Variants in OSBPL9 observed in about 807,000 individuals in gnomAD.
OSBPL9 encodes oxysterol binding protein like 9.
Under a neutral mutation model 106.6 loss-of-function variants are expected in OSBPL9, and 40 were observed. The ratio of observed to expected loss-of-function variants is 0.38; its 90% CI spans 0.29 to 0.49. The LOEUF (loss-of-function observed/expected upper bound fraction) is 0.49. Among genes scored for constraint, OSBPL9 ranks in the 20% least tolerant of loss-of-function variants. The pLI, the probability that OSBPL9 is intolerant of heterozygous loss-of-function variation, is 0.97. For synonymous variants in OSBPL9, 269 were observed against 295.4 expected (o/e 0.91, Z 0.92); for missense variants, 609 against 887.2 (o/e 0.69, Z 3.98).
upstream of OSBPL9, among the ~76,000 whole-genome samples, chr1:51,612,719 A>G (rs1643996773): frequency 6.6e-6 from 1 of 152,238 alleles, no homozygotes; most frequent in Non-Finnish European, 1.5e-5. Context: ...GATGAAAGTT[A>G]AAACTGATTT....
the OSBPL9 span, among the ~76,000 whole-genome samples, chr1:51,542,612 A>G: frequency 1.3e-5 from 2 of 152,236 alleles, no homozygotes; most frequent in Non-Finnish European, 2.9e-5. Flanking sequence ...TGGAATAATT[A>G]CCATGTGCCA....
chr1:51,532,458 T>C, the OSBPL9 span, among the ~76,000 whole-genome samples: 3 of 152,224 alleles, frequency 2.0e-5, no homozygotes, highest in East Asian at 5.8e-4. Context: ...GGTTATCTGC[T>C]GAGAGGGAGG....
chr1:51,669,554 T>G, intron 3 of OSBPL9, 42 bp downstream of exon 3: 1 of 1,585,132 alleles, frequency 6.3e-7, no homozygotes, highest in Non-Finnish European at 8.7e-7. Context: ...TAGTCCCATC[T>G]GCTTCTTTTC....
chr1:51,762,871 T>C (rs1324094867), intron 11 of OSBPL9, among the ~76,000 whole-genome samples: 1 of 152,274 alleles, frequency 6.6e-6, no homozygotes, highest in East Asian at 1.9e-4. Flanking sequence ...ACTTCAGTGA[T>C]ATCCTTGTAC....
At chr1:51,766,911 A>C (rs1672670315) in intron 12 of OSBPL9, among the ~76,000 whole-genome samples, 1 of 143,748 alleles carries the variant, frequency 7.0e-6, no homozygotes, top group Non-Finnish European at 1.5e-5. Context: ...TACTAAAAAT[A>C]CCAAAAAAAA....
intron 9 of OSBPL9, among the ~76,000 whole-genome samples, chr1:51,758,604 T>G (rs1670865920): frequency 6.6e-6 from 1 of 152,186 alleles, no homozygotes; most frequent in African/African-American, 2.4e-5. Flanking sequence ...ACAAAGTTTT[T>G]AAGTGTTTTC....
chr1:51,570,484 T>C, the OSBPL9 span, among the ~76,000 whole-genome samples: 1 of 152,198 alleles, frequency 6.6e-6, no homozygotes, highest in Non-Finnish European at 1.5e-5. Context: ...TCTCAGAGCC[T>C]TTCTAGTCTA....
upstream of OSBPL9, chr1:51,617,014 A>AG: frequency 6.8e-7 from 1 of 1,464,018 alleles, no homozygotes; most frequent in Non-Finnish European, 9.1e-7. Flanking sequence ...GGACCCGCCC[A>AG]GGACCCGCCC....
At chr1:51,699,082 T>G (rs1000099704) in intron 3 of OSBPL9, among the ~76,000 whole-genome samples, 1 of 152,178 alleles carries the variant, frequency 6.6e-6, no homozygotes, top group African/African-American at 2.4e-5. Flanking sequence ...ACTTCCAATT[T>G]TAAGGTGCAA....
At chr1:51,714,847 G>A (rs1660736163) in intron 4 of OSBPL9, among the ~76,000 whole-genome samples, 2 of 152,194 alleles carry the variant, frequency 1.3e-5, no homozygotes, top group South Asian at 4.1e-4. Context: ...CTGGAGCTGG[G>A]ATGTTACTGG....
intron 15 of OSBPL9, among the ~76,000 whole-genome samples, chr1:51,780,083 GA>G (rs551088535): frequency 0.032 from 2,383 of 75,486 alleles, 55 homozygotes; most frequent in African/African-American, 0.1. Flanking sequence ...ATCTCAAAAA[GA>G]AAAAAAAAAA....
chr1:51,539,922 A>G, the OSBPL9 span, among the ~76,000 whole-genome samples: 1 of 152,152 alleles, frequency 6.6e-6, no homozygotes, highest in Non-Finnish European at 1.5e-5. Context: ...GTCTGCCTGT[A>G]TCTCCAAACT....
intron 7 of OSBPL9, among the ~76,000 whole-genome samples, chr1:51,749,319 A>AT (rs928970726): frequency 9.3e-5 from 14 of 150,870 alleles, no homozygotes; most frequent in South Asian, 4.2e-4. Flanking sequence ...AAGTCTTTTT[A>AT]TTTTTTTTTA....
chr1:51,766,810 C>A (rs141505715), intron 12 of OSBPL9, among the ~76,000 whole-genome samples: 318 of 152,204 alleles, frequency 2.1e-3, no homozygotes, highest in African/African-American at 6.9e-3. Flanking sequence ...GTGGCTCACG[C>A]CTGTAATCCC....
chr1:51,701,920 A>G (rs992047986), intron 3 of OSBPL9, among the ~76,000 whole-genome samples: 2 of 152,070 alleles, frequency 1.3e-5, no homozygotes, highest in Admixed American at 6.6e-5. Context: ...TCCTTGCGAT[A>G]GTTTGCTGAG....
At position 51,788,155 on chromosome 1, in the gene OSBPL9, T is replaced by TACACAC. The variant is rs71247587; in HGVS notation, c.*378_*383dup. ...TTTCTTAGTTCATATAATCTCGGGA[T>TACACAC]ACACACACACACACACATATATATA... is the stretch of plus-strand genomic sequence containing the variant. On this transcript the variant is annotated 3_prime_UTR_variant, in exon 24 of 24. Coordinates refer to ENST00000428468, the MANE Select transcript of OSBPL9 (RefSeq NM_024586.6). The TACACAC allele has an allele frequency of 4.3e-6, 1 of 234,670 alleles. No individual in the cohort carries two copies. Among genetic ancestry groups the TACACAC allele is most frequent in the East Asian group, 1.1e-4 (1 of 9,312 alleles). The allele number at this position is 234,670 out of a possible 1,614,324, so 14.5% of individuals were successfully genotyped here.
intron 3 of OSBPL9, 82 bp from the exon 4 acceptor site, chr1:51,713,921 T>C (rs918744050): frequency 3.6e-6 from 4 of 1,109,360 alleles, no homozygotes; most frequent in Non-Finnish European, 5.2e-6. Flanking sequence ...TTAGCCATCA[T>C]AGTTTTAAAA....
intron 3 of OSBPL9, among the ~76,000 whole-genome samples, chr1:51,711,696 C>T (rs1270744445): frequency 8.9e-5 from 12 of 135,536 alleles, no homozygotes; most frequent in Non-Finnish European, 1.6e-4. Context: ...ACTTCTCAGA[C>T]GGGGCGGCCG....
At chr1:51,688,731 T>C (rs548237963) in intron 3 of OSBPL9, among the ~76,000 whole-genome samples, 1 of 152,328 alleles carries the variant, frequency 6.6e-6, no homozygotes, top group African/African-American at 2.4e-5. Flanking sequence ...TCATTGTAAG[T>C]CCTAAATGTA....
Sources: allele counts gnomAD v4.1 joint callset (sites outside exome capture counted in the v4.1 genomes callset), GRCh38; gene constraint gnomAD v4.1.1; transcripts MANE v1.5; gene names NCBI Gene and HGNC (gene_info 2026-07-23, HGNC 2026-07-21).